Variants in HMGCLL1 observed in about 807,000 individuals in gnomAD.
HMGCLL1 encodes the protein 3-hydroxymethyl-3-methylglutaryl-CoA lyase, cytoplasmic.
In HMGCLL1, 36 loss-of-function variants were observed where a neutral mutation model predicts 39.1. That is an observed-to-expected ratio of 0.92 (90% CI 0.71 to 1.22). The LOEUF (loss-of-function observed/expected upper bound fraction) is 1.22. HMGCLL1 is among the 50% of genes most tolerant of loss of function. The pLI, the probability that HMGCLL1 is intolerant of heterozygous loss-of-function variation, is 0.00. For synonymous variants in HMGCLL1, 149 were observed against 144.0 expected (o/e 1.03, Z -0.25); for missense variants, 451 against 416.5 (o/e 1.08, Z -0.72).
chr6:55,506,945 C>T (rs551352276), intron 5 of HMGCLL1, among the ~76,000 whole-genome samples: 62 of 151,722 alleles, frequency 4.1e-4, no homozygotes, highest in Non-Finnish European at 7.5e-4. Flanking sequence ...GCTGGCTTTG[C>T]TGTCGTACCT....
chr6:55,474,401 TAGTCTACCAATG>T (rs1402229760), intron 7 of HMGCLL1, among the ~76,000 whole-genome samples: 5 of 151,664 alleles, frequency 3.3e-5, no homozygotes, highest in African/African-American at 1.2e-4. Flanking sequence ...TAGCCACGTC[TAGTCTACCAATG>T]AGTCTATCAA....
the HMGCLL1 span, among the ~76,000 whole-genome samples, chr6:55,626,785 C>A: frequency 1.3e-5 from 2 of 152,150 alleles, no homozygotes; most frequent in African/African-American, 2.4e-5. Flanking sequence ...ACACTTTGGG[C>A]TCCTCCTACC....
At chr6:55,580,986 G>C (rs1323521416), upstream of HMGCLL1, among the ~76,000 whole-genome samples, 10 of 152,082 alleles carry the variant, frequency 6.6e-5, no homozygotes, top group Admixed American at 5.9e-4. Context: ...CTGCAACAGG[G>C]AACATGATAT....
chr6:55,558,761 G>T (rs1770796963), intron 1 of HMGCLL1, among the ~76,000 whole-genome samples: 1 of 152,140 alleles, frequency 6.6e-6, no homozygotes, highest in Non-Finnish European at 1.5e-5. Context: ...ATGTGAAAAA[G>T]GAACTTTGCT....
the HMGCLL1 span, among the ~76,000 whole-genome samples, chr6:55,584,743 G>A: frequency 6.6e-6 from 1 of 152,006 alleles, no homozygotes; most frequent in Non-Finnish European, 1.5e-5. Context: ...AGAATCAGAA[G>A]CAAGTGAACC....
chr6:55,543,594 AT>A (rs1431115518), intron 1 of HMGCLL1, among the ~76,000 whole-genome samples: 2 of 75,676 alleles, frequency 2.6e-5, no homozygotes, highest in East Asian at 3.6e-4. Flanking sequence ...TTATATATAT[AT>A]ATTTTTTTGC....
the HMGCLL1 span, among the ~76,000 whole-genome samples, chr6:55,611,939 T>G: frequency 1.3e-5 from 2 of 152,154 alleles, no homozygotes; most frequent in Non-Finnish European, 2.9e-5. Context: ...AACATAGTAT[T>G]GGAAGTCCTG....
intron 5 of HMGCLL1, among the ~76,000 whole-genome samples, chr6:55,511,494 T>C (rs957532007): frequency 3.4e-5 from 5 of 149,164 alleles, no homozygotes; most frequent in African/African-American, 7.4e-5. Flanking sequence ...TTTACTATTT[T>C]ATAAAAATTT....
In HMGCLL1 at chr6:55,513,885, G is replaced by A. The variant is rs113328041; in HGVS notation, c.542+163C>T. ...ATACTCACTAATAATCAGCAGTGAT[G>A]TTAATGAGATGTAACTATATAGTGA... is the stretch of plus-strand genomic sequence containing the variant. On this transcript the variant is annotated intron_variant, in intron 5 of 8. Transcript: ENST00000274901. The A allele has an allele frequency of 2.8e-3, 1,674 of 598,352 alleles. 24 individuals are homozygous for A. The African/African-American group carries it at 0.028, about 10-fold the overall frequency. The allele number at this position is 598,352 out of a possible 1,614,324, so 37.1% of individuals were successfully genotyped here.
At chr6:55,586,396 A>AG in the HMGCLL1 span, among the ~76,000 whole-genome samples, 10 of 81,572 alleles carry the variant, frequency 1.2e-4, no homozygotes, top group Non-Finnish European at 1.6e-4. Context: ...CATGGAAATC[A>AG]GTTTTTTTTT....
the HMGCLL1 span, among the ~76,000 whole-genome samples, chr6:55,650,124 T>TACACAC: frequency 2.9e-5 from 2 of 69,074 alleles, no homozygotes; most frequent in Non-Finnish European, 5.1e-5. Context: ...TATATATATA[T>TACACAC]ATATATATAT....
At chr6:55,623,628 A>G in the HMGCLL1 span, among the ~76,000 whole-genome samples, 1 of 147,216 alleles carries the variant, frequency 6.8e-6, no homozygotes, top group Non-Finnish European at 1.5e-5. Context: ...AGAGAGATAT[A>G]TACATATATA....
the HMGCLL1 span, among the ~76,000 whole-genome samples, chr6:55,652,168 T>C: frequency 6.6e-6 from 1 of 152,102 alleles, no homozygotes; most frequent in East Asian, 1.9e-4. Context: ...GCTTTTATTC[T>C]GCCATTTTAC....
the HMGCLL1 span, among the ~76,000 whole-genome samples, chr6:55,653,920 C>T: frequency 2.0e-5 from 3 of 151,966 alleles, no homozygotes; most frequent in African/African-American, 7.2e-5. Flanking sequence ...TGAAGAAAGT[C>T]TTGAGAAGTT....
chr6:55,484,338 G>C (rs4334972), intron 7 of HMGCLL1, among the ~76,000 whole-genome samples: 22,099 of 150,954 alleles, frequency 0.15, 1,984 homozygotes, highest in Non-Finnish European at 0.2. Context: ...AAACTACTCT[G>C]CTCTGATCTC....
intron 1 of HMGCLL1, among the ~76,000 whole-genome samples, chr6:55,563,347 T>C (rs1263748302): frequency 1.3e-5 from 2 of 152,152 alleles, no homozygotes; most frequent in African/African-American, 4.8e-5. Flanking sequence ...AATATAATTA[T>C]GTTCTGCTGC....
At chr6:55,568,854 A>AACACACAC (rs139032251) in intron 1 of HMGCLL1, among the ~76,000 whole-genome samples, 2 of 150,538 alleles carry the variant, frequency 1.3e-5, no homozygotes, top group African/African-American at 2.4e-5. Flanking sequence ...AGTAAAATGA[A>AACACACAC]ACACACACAC....
At chr6:55,554,508 T>G (rs1770546368) in intron 1 of HMGCLL1, among the ~76,000 whole-genome samples, 1 of 152,150 alleles carries the variant, frequency 6.6e-6, no homozygotes, top group African/African-American at 2.4e-5. Flanking sequence ...TTAGCCATCA[T>G]TCTTGGGGTA....
intron 5 of HMGCLL1, among the ~76,000 whole-genome samples, chr6:55,510,005 T>C (rs1165024182): frequency 6.6e-6 from 1 of 151,970 alleles, no homozygotes; most frequent in African/African-American, 2.4e-5. Context: ...GACAATTGTC[T>C]TTGTTTTTCT....
Sources: allele counts gnomAD v4.1 joint callset (sites outside exome capture counted in the v4.1 genomes callset), GRCh38; gene constraint gnomAD v4.1.1; transcripts MANE v1.5; gene names NCBI Gene and HGNC (gene_info 2026-07-23, HGNC 2026-07-21).